The following PDE1A variants were observed in gnomAD, a reference collection of about 807,000 sequenced individuals.
PDE1A encodes the protein dual specificity calcium/calmodulin-dependent 3',5'-cyclic nucleotide phosphodiesterase 1A.
In PDE1A, 35 loss-of-function variants were observed where a neutral mutation model predicts 61.7. The ratio of observed to expected loss-of-function variants is 0.57; its 90% CI spans 0.43 to 0.75. The LOEUF (loss-of-function observed/expected upper bound fraction) is 0.75, where lower values mean the gene tolerates loss of function less well. Among genes scored for constraint, PDE1A ranks in the 30% least tolerant of loss-of-function variants. The probability of loss-of-function intolerance (pLI) is 0.00; values close to 1 mark genes in which losing one functional copy is unlikely to be tolerated. For synonymous variants in PDE1A, 232 were observed against 213.2 expected, an observed-to-expected ratio of 1.09 and a Z score of -0.77; for missense variants, 597 against 630.6, an observed-to-expected ratio of 0.95 and a Z score of 0.57.
the PDE1A span, among the ~76,000 whole-genome samples, chr2:182,658,104 G>A: frequency 1.4e-5 from 2 of 139,734 alleles, no homozygotes; most frequent in Non-Finnish European, 3.0e-5. Context: ...CTTTCCTCCT[G>A]TGTTAGTTTC....
the PDE1A span, among the ~76,000 whole-genome samples, chr2:182,610,255 T>C: frequency 2.6e-5 from 4 of 152,340 alleles, no homozygotes; most frequent in South Asian, 2.1e-4. Context: ...AGCATAAACA[T>C]TGACAATTTC....
downstream of PDE1A, among the ~76,000 whole-genome samples, chr2:182,146,685 T>C (rs1046830237): frequency 4.6e-5 from 7 of 152,036 alleles, no homozygotes; most frequent in African/African-American, 1.4e-4. Flanking sequence ...AGGATTTCAC[T>C]ATGTTGGCCG....
At chr2:182,401,326 A>G (rs2125448940) in intron 1 of PDE1A, among the ~76,000 whole-genome samples, 1 of 152,348 alleles carries the variant, frequency 6.6e-6, no homozygotes, top group East Asian at 1.9e-4. Flanking sequence ...ATCCAACACG[A>G]TCAAGTTGGC....
chr2:182,361,501 G>C (rs1008819571), intron 1 of PDE1A, among the ~76,000 whole-genome samples: 1 of 151,970 alleles, frequency 6.6e-6, no homozygotes, highest in Non-Finnish European at 1.5e-5. Flanking sequence ...ATTTATGAAA[G>C]GATAGCACAC....
chr2:182,574,101 C>T, the PDE1A span, among the ~76,000 whole-genome samples: 2 of 151,686 alleles, frequency 1.3e-5, no homozygotes, highest in African/African-American at 2.4e-5. Context: ...AGGTGAAGAA[C>T]GTGGAGTCTG....
At chr2:182,182,417 C>A (rs912213289) in intron 13 of PDE1A, among the ~76,000 whole-genome samples, 1 of 152,106 alleles carries the variant, frequency 6.6e-6, no homozygotes, top group Non-Finnish European at 1.5e-5. Flanking sequence ...AAATTATAGA[C>A]CCTCTCAACC....
At chr2:182,428,724 G>A (rs1703767283), upstream of PDE1A, among the ~76,000 whole-genome samples, 1 of 152,032 alleles carries the variant, frequency 6.6e-6, no homozygotes, top group Non-Finnish European at 1.5e-5. Flanking sequence ...TTTGTGGGTA[G>A]CATTCAATTT....
intron 1 of PDE1A, among the ~76,000 whole-genome samples, chr2:182,422,079 G>A (rs1224158344): frequency 6.6e-6 from 1 of 152,138 alleles, no homozygotes; most frequent in Non-Finnish European, 1.5e-5. Context: ...CCAATATGAT[G>A]TTCACTAGTC....
chr2:182,550,919 T>C, the PDE1A span, among the ~76,000 whole-genome samples: 1 of 152,106 alleles, frequency 6.6e-6, no homozygotes, highest in East Asian at 1.9e-4. Context: ...TTCACATTCC[T>C]TTAACCAGAA....
intron 13 of PDE1A, among the ~76,000 whole-genome samples, chr2:182,149,393 A>G (rs756801724): frequency 3.3e-5 from 5 of 152,236 alleles, no homozygotes; most frequent in Non-Finnish European, 5.9e-5. Context: ...AATGATACAC[A>G]TATTATACCC....
chr2:182,456,658 A>G (rs1363708529), intron 2 of PDE1A, among the ~76,000 whole-genome samples: 1 of 152,108 alleles, frequency 6.6e-6, no homozygotes, highest in African/African-American at 2.4e-5. Context: ...CAAAAATATC[A>G]TGATCACATT....
intron 10 of PDE1A, among the ~76,000 whole-genome samples, chr2:182,195,838 A>C (rs2125444248): frequency 6.6e-6 from 1 of 152,218 alleles, no homozygotes; most frequent in East Asian, 1.9e-4. Flanking sequence ...GAGGATGAAC[A>C]AAAATAAAAC....
At chr2:182,353,296 A>T (rs908846748) in intron 1 of PDE1A, among the ~76,000 whole-genome samples, 2 of 152,190 alleles carry the variant, frequency 1.3e-5, no homozygotes, top group African/African-American at 2.4e-5. Flanking sequence ...TTTGGTGTGA[A>T]ATGCATATTA....
At position 182,300,905 on chromosome 2, in the gene PDE1A, C is replaced by T. The variant is rs781388795; in HGVS notation, c.54-36491G>A. On this transcript the variant is annotated intron_variant, in intron 1 of 13. Transcript: ENST00000351439. ...GCAAAGTTGTTCAAGCTACTTCCTCCGTCAAATGACTGATTTCTCATAATC... is the reference window on the plus strand; with the variant it reads ...GCAAAGTTGTTCAAGCTACTTCCTCTGTCAAATGACTGATTTCTCATAATC... 9.2e-5 allele frequency among the ~76,000 whole-genome samples: 14 copies of T among 152,112 alleles called. 1 individual carries two copies. The highest frequency in any genetic ancestry group is 2.7e-4 in the African/African-American group (11 of 41,418).
At chr2:182,186,412 A>C in intron 12 of PDE1A, 56 bp downstream of exon 12, 1 of 1,561,798 alleles carries the variant, frequency 6.4e-7, no homozygotes, top group Admixed American at 1.9e-5. Flanking sequence ...TCATTAAGGA[A>C]AGTGTTACTA....
chr2:182,519,504 G>A (rs1690428220), intron 2 of PDE1A, among the ~76,000 whole-genome samples: 1 of 151,804 alleles, frequency 6.6e-6, no homozygotes, highest in African/African-American at 2.4e-5. Context: ...GTAAGAAACT[G>A]TTTCACCTTT....
chr2:182,610,098 A>G, the PDE1A span, among the ~76,000 whole-genome samples: 3 of 151,890 alleles, frequency 2.0e-5, no homozygotes, highest in Non-Finnish European at 4.4e-5. Flanking sequence ...AAAAAAAAAA[A>G]AAAAGAAAGA....
At chr2:182,533,998 T>A in the PDE1A span, among the ~76,000 whole-genome samples, 1 of 152,050 alleles carries the variant, frequency 6.6e-6, no homozygotes, top group South Asian at 2.1e-4. Context: ...TTTCTAAATA[T>A]AAAATACATA....
chr2:182,185,802 G>A, intron 13 of PDE1A, 90 bp downstream of exon 13: 19 of 1,584,252 alleles, frequency 1.2e-5, no homozygotes, highest in Non-Finnish European at 1.6e-5. Context: ...ATATTCTATA[G>A]AAGAAGAAAT....
Sources: allele counts gnomAD v4.1 joint callset (sites outside exome capture counted in the v4.1 genomes callset), GRCh38; gene constraint gnomAD v4.1.1; transcripts MANE v1.5; gene names NCBI Gene and HGNC (gene_info 2026-07-23, HGNC 2026-07-21).